IRAG2: variants seen among roughly 807,000 people sequenced by gnomAD.
IRAG2 encodes inositol 1,4,5-triphosphate receptor associated 2.
A neutral mutation model predicts 69.9 loss-of-function variants in IRAG2; 45 were observed. The observed-to-expected ratio is 0.64, with a 90% CI of 0.51 to 0.83. The LOEUF is 0.83. IRAG2 is among the 40% of genes least tolerant of loss of function. IRAG2 has a pLI of 0.00. For missense variants in IRAG2, 520 were observed against 587.0 expected (o/e 0.89, Z 1.18); for synonymous variants, 193 against 202.4 (o/e 0.95, Z 0.40).
At chr12:25,102,288 G>A (rs778748865) in intron 17 of IRAG2, 47 bp downstream of exon 17, 9 of 1,482,078 alleles carry the variant, frequency 6.1e-6, no homozygotes, top group South Asian at 1.2e-5. Context: ...ACTATAAGAC[G>A]GTTTTAAAAT....
At chr12:25,061,955 C>A (rs753020500) in intron 2 of IRAG2, among the ~76,000 whole-genome samples, 26 of 152,128 alleles carry the variant, frequency 1.7e-4, no homozygotes, top group Non-Finnish European at 3.7e-4. Context: ...GTCTTGGGGA[C>A]CTCCTTTCTG....
At chr12:25,039,440 C>CT (rs558561991) in intron 16 of IRAG2, among the ~76,000 whole-genome samples, 7 of 151,948 alleles carry the variant, frequency 4.6e-5, no homozygotes, top group Admixed American at 6.5e-5. Context: ...CAACATTCTT[C>CT]TTTTTTTTGA....
intron 14 of IRAG2, chr12:25,090,782 T>A (rs1404038622): frequency 4.5e-6 from 2 of 448,056 alleles, no homozygotes; most frequent in East Asian, 1.4e-4. Flanking sequence ...GTTGCATGAG[T>A]CATCTGCCTT....
At chr12:25,089,957 GA>G in intron 13 of IRAG2, 99 bp from the exon 14 acceptor site, 1 of 1,366,306 alleles carries the variant, frequency 7.3e-7, no homozygotes, top group East Asian at 2.3e-5. Context: ...TTGCTGGGGG[GA>G]GAAAGAAATG....
In IRAG2 at chr12:25,079,429, A is replaced by G. The variant is rs1448928129; in HGVS notation, c.103A>G (p.Thr35Ala). ...EYSSLPLPRHTSSTDGTITSS... is the reference protein window; with the variant it reads ...EYSSLPLPRHASSTDGTITSS... ...TTCCTCACTACCATTACCCAGACAC[A>G]CTTCATCGACAGACGGTACTATAAC... The change falls in exon 8 of 22, where the codon ACT (threonine) becomes GCT (alanine). Residue 35 changes from threonine (T) to alanine (A), a missense_variant. Coordinates refer to ENST00000556887, the MANE Select transcript of IRAG2 (RefSeq NM_001366544.2). 5.0e-6 allele frequency: 8 copies of G among 1,613,736 alleles called. No individual in the cohort carries two copies. Among genetic ancestry groups the G allele is most frequent in the Admixed American group, 1.7e-5 (1 of 60,004 alleles).
At chr12:25,100,222 G>A (rs1225437874) in intron 15 of IRAG2, among the ~76,000 whole-genome samples, 3 of 151,788 alleles carry the variant, frequency 2.0e-5, no homozygotes, top group South Asian at 4.2e-4. Context: ...GAAGGAAGGA[G>A]GGAGGGAGGA....
intron 9 of IRAG2, among the ~76,000 whole-genome samples, chr12:25,082,534 A>T (rs779931926): frequency 1.3e-5 from 2 of 151,924 alleles, no homozygotes; most frequent in Non-Finnish European, 1.5e-5. Context: ...TGGGAGGCGG[A>T]GGTTGCAGTG....
At chr12:25,061,056 T>G (rs1214088203) in intron 1 of IRAG2, among the ~76,000 whole-genome samples, 2 of 152,214 alleles carry the variant, frequency 1.3e-5, no homozygotes, top group African/African-American at 4.8e-5. Flanking sequence ...AAAATTTAAA[T>G]ACCCAAGGGA....
At chr12:25,021,249 C>T (rs1944577960) in intron 7 of IRAG2, among the ~76,000 whole-genome samples, 1 of 151,852 alleles carries the variant, frequency 6.6e-6, no homozygotes, top group African/African-American at 2.4e-5. Context: ...GGATTATAGG[C>T]ATGAGCCACT....
At chr12:25,019,552 G>A (rs1944561107) in intron 6 of IRAG2, among the ~76,000 whole-genome samples, 1 of 152,164 alleles carries the variant, frequency 6.6e-6, no homozygotes, top group South Asian at 2.1e-4. Flanking sequence ...TTCTCCTCTT[G>A]ATGTTCAGAG....
chr12:25,026,859 A>G lies in IRAG2; in HGVS notation c.1454A>G (p.Glu485Gly), dbSNP rs907122660. 2.4e-6 allele frequency: 3 copies of G among 1,225,098 alleles called. No homozygotes were observed. In the Admixed American group the frequency reaches 1.3e-4, roughly 52 times the overall value. The allele number at this position is 1,225,098 out of a possible 1,614,324, so 75.9% of individuals were successfully genotyped here. A position where few individuals can be genotyped will look rare whatever the true frequency, so the allele number is the denominator to read the frequency against. The change falls in exon 9 of 39, where the codon GAG becomes GGG. Residue 485 changes from glutamate (E) to glycine (G), a missense_variant. Glu to Gly is a moderately conservative substitution (Grantham distance 98). Transcript: ENST00000636465. The stretch of plus-strand genomic sequence containing the variant: ...GAAGACTTGTCTAAAACTGAGACAG[A>G]GCACCAAGTAAGCACTTCCCAAATA...
chr12:25,053,977 A>G (rs1456110992), intron 1 of IRAG2, among the ~76,000 whole-genome samples: 1 of 152,094 alleles, frequency 6.6e-6, no homozygotes, highest in Admixed American at 6.6e-5. Flanking sequence ...CACCCCTGTA[A>G]TCCCAGCATT....
chr12:25,067,530 A>G (rs116228455), intron 5 of IRAG2, among the ~76,000 whole-genome samples: 3,099 of 152,126 alleles, frequency 0.02, 108 homozygotes, highest in African/African-American at 0.071. Context: ...CTTCTGACCA[A>G]CTCTCTATAA....
upstream of IRAG2, among the ~76,000 whole-genome samples, chr12:25,050,126 CA>C (rs1303144865): frequency 6.6e-6 from 1 of 150,724 alleles, no homozygotes; most frequent in Non-Finnish European, 1.5e-5. Flanking sequence ...GACTCCGTCT[CA>C]AAAAAACAAA....
intron 14 of IRAG2, chr12:25,093,892 C>G (rs1224865186): frequency 6.6e-6 from 1 of 152,174 alleles, no homozygotes; most frequent in Non-Finnish European, 1.5e-5. Flanking sequence ...CTCAATGTGG[C>G]AGGGCCATCA....
At chr12:25,012,015 A>G (rs1430838568) in intron 3 of IRAG2, among the ~76,000 whole-genome samples, 1 of 152,114 alleles carries the variant, frequency 6.6e-6, no homozygotes, top group Non-Finnish European at 1.5e-5. Context: ...TAGGGAGGCT[A>G]AGGGGAACAA....
At chr12:25,055,710 G>T (rs2139918556) in intron 1 of IRAG2, among the ~76,000 whole-genome samples, 1 of 152,208 alleles carries the variant, frequency 6.6e-6, no homozygotes, top group Non-Finnish European at 1.5e-5. Context: ...GCAGAGTTTG[G>T]TTTTCTGTCC....
At chr12:25,065,507 A>G (rs1367085513) in intron 4 of IRAG2, among the ~76,000 whole-genome samples, 1 of 152,176 alleles carries the variant, frequency 6.6e-6, no homozygotes, top group Admixed American at 6.5e-5. Flanking sequence ...CCATTCTTTG[A>G]TGGGTTCTAA....
intron 11 of IRAG2, 83 bp downstream of exon 11, chr12:25,088,240 T>C: frequency 9.2e-7 from 1 of 1,083,984 alleles, no homozygotes; most frequent in Non-Finnish European, 1.4e-6. Flanking sequence ...TGAATAAAGC[T>C]ATGTCACTTA....
Sources: gnomAD v4.1 joint callset for allele counts (sites outside exome capture counted in the v4.1 genomes callset) on GRCh38, gnomAD v4.1.1 for gene constraint, MANE v1.5 for transcripts, NCBI Gene and HGNC (gene_info 2026-07-23, HGNC 2026-07-21) for gene names.